Variants in BPIFA1 observed in about 807,000 individuals in gnomAD.
BPIFA1 encodes BPI fold containing family A member 1.
A neutral mutation model predicts 25.1 loss-of-function variants in BPIFA1; 24 were observed. The ratio of observed to expected loss-of-function variants is 0.96; its 90% CI spans 0.69 to 1.35. BPIFA1 has a LOEUF of 1.35. BPIFA1 is among the 40% of genes most tolerant of loss of function. The pLI, the probability that BPIFA1 is intolerant of heterozygous loss-of-function variation, is 0.00. For synonymous variants in BPIFA1, 139 were observed against 131.8 expected (o/e 1.05, Z -0.37); for missense variants, 344 against 303.7 (o/e 1.13, Z -0.99).
At chr20:33,239,004 T>C (rs942833927) in intron 3 of BPIFA1, among the ~76,000 whole-genome samples, 1 of 152,118 alleles carries the variant, frequency 6.6e-6, no homozygotes, top group Non-Finnish European at 1.5e-5. Context: ...ATCTGTAAAA[T>C]ATAGATTATA....
At chr20:33,237,657 T>A (rs1487418857) in intron 1 of BPIFA1, 40 bp from the exon 2 acceptor site, 1 of 1,383,410 alleles carries the variant, frequency 7.2e-7, no homozygotes, top group African/African-American at 1.5e-5. Flanking sequence ...AATTCCTCTC[T>A]GATACCCATG....
intron 3 of BPIFA1, 22 bp from the exon 4 acceptor site, chr20:33,239,781 T>A (rs200300856): frequency 1.6e-5 from 26 of 1,602,050 alleles, no homozygotes; most frequent in Non-Finnish European, 2.1e-5. Flanking sequence ...TGTTTCCCCC[T>A]CCAATATTAC....
At chr20:33,239,761 G>A (rs770280558) in intron 3 of BPIFA1, 42 bp from the exon 4 acceptor site, 1 of 1,555,084 alleles carries the variant, frequency 6.4e-7, no homozygotes, top group Non-Finnish European at 8.9e-7. Context: ...TTTGGAGCTA[G>A]AGGAGCTAAT....
At position 33,242,092 on chromosome 20, in the gene BPIFA1, G is replaced by A; in HGVS notation, c.703G>A (p.Asp235Asn). ...GGTCAATGAGGTTCTCAGAGGCTTG[G>A]ACATCACCCTGGTGCATGACATTGT... Reference protein sequence around the residue: ...PLVNEVLRGLDITLVHDIVNM... With the variant: ...PLVNEVLRGLNITLVHDIVNM... Residue 235 changes from aspartate to asparagine, a missense_variant, in exon 7 of 9, where the codon GAC (aspartate) becomes AAC (asparagine). Physicochemically the swap from Asp to Asn is conservative, Grantham distance 23. Coordinates refer to ENST00000354297, the MANE Select transcript of BPIFA1 (RefSeq NM_130852.3). 2.5e-6 allele frequency: 4 copies of A among 1,614,144 alleles called. No individual in the cohort carries two copies. The highest frequency in any genetic ancestry group is 2.5e-6 in the Non-Finnish European group (3 of 1,180,018).
intron 4 of BPIFA1, 27 bp from the exon 5 acceptor site, chr20:33,240,206 A>T (rs1033336416): frequency 6.2e-7 from 1 of 1,610,804 alleles, no homozygotes; most frequent in Non-Finnish European, 8.5e-7. Context: ...GTGGAGCTAG[A>T]TACCAGTGGG....
Position 33,237,827 on chromosome 20 carries a change from C to A in BPIFA1, c.116C>A (p.Ala39Asp). ...ACCCTGCCCTTGAATGTGAATCCAG[C>A]CCTGCCCTTGAGTCCCACAGGTCTT... ...DQTLPLNVNP[A>D]LPLSPTGLAG... Residue 39 changes from alanine (A) to aspartate (D), a missense_variant, in exon 2 of 9, where the codon GCC becomes GAC. Ala to Asp is a moderately radical substitution (Grantham distance 126). Coordinates refer to ENST00000354297, the MANE Select transcript of BPIFA1 (RefSeq NM_130852.3). 3 of 1,598,764 alleles carry A rather than the reference C, an allele frequency of 1.9e-6. No individual in the cohort carries two copies. The highest frequency in any genetic ancestry group is 2.6e-6 in the Non-Finnish European group (3 of 1,173,098).
rs1442728401 is a variant in BPIFA1, at chr20:33,242,101, C to A, written c.712C>A (p.Leu238Met). The change falls in exon 7 of 9, where the codon CTG becomes ATG. Residue 238 changes from leucine to methionine, a missense_variant. Physicochemically the swap from Leu to Met is conservative, Grantham distance 15 (BLOSUM62 2). Coordinates refer to ENST00000354297, the MANE Select transcript of BPIFA1 (RefSeq NM_130852.3). ...GGTTCTCAGAGGCTTGGACATCACC[C>A]TGGTGCATGACATTGTTAGTAAGTA... Reference protein sequence around the residue: ...NEVLRGLDITLVHDIVNMLIH... With the variant: ...NEVLRGLDITMVHDIVNMLIH... 1 of 1,614,132 alleles carries A rather than the reference C, an allele frequency of 6.2e-7. No individual in the cohort carries two copies.
intron 1 of BPIFA1, among the ~76,000 whole-genome samples, chr20:33,236,747 G>T (rs1475341981): frequency 6.6e-6 from 1 of 152,182 alleles, no homozygotes; most frequent in Non-Finnish European, 1.5e-5. Context: ...ATGCATGTTT[G>T]TGTGTTGGGT....
intron 6 of BPIFA1, among the ~76,000 whole-genome samples, 174 bp from the exon 7 acceptor site, chr20:33,241,882 C>A (rs896341480): frequency 6.6e-6 from 1 of 152,226 alleles, no homozygotes; most frequent in Non-Finnish European, 1.5e-5. Context: ...CCCTTCACAA[C>A]ATCCCTCATG....
intron 5 of BPIFA1, among the ~76,000 whole-genome samples, 180 bp from the exon 6 acceptor site, chr20:33,241,205 T>C (rs1350863397): frequency 6.6e-6 from 1 of 152,258 alleles, no homozygotes; most frequent in Non-Finnish European, 1.5e-5. Context: ...TTCACTGCTG[T>C]ACACAAATGT....
intron 5 of BPIFA1, among the ~76,000 whole-genome samples, chr20:33,241,037 T>C (rs1237470959): frequency 6.6e-6 from 1 of 152,200 alleles, no homozygotes; most frequent in Admixed American, 6.5e-5. Flanking sequence ...TGGTTAACTT[T>C]TAATGAACAC....
Position 33,237,869 on chromosome 20 carries a change from A to C in BPIFA1, c.158A>C (p.Asn53Thr). The C allele has an allele frequency of 6.4e-7, 1 of 1,570,584 alleles. No homozygotes were observed. The highest frequency in any genetic ancestry group is 8.6e-7 in the Non-Finnish European group (1 of 1,159,782). ...ACAGGTCTTGCAGGAAGCTTGACAA[A>C]TGGTGAGTTTTCAGGGGTGTATGTG... ...SPTGLAGSLT[N>T]ALSNGLLSGG... Residue 53 changes from asparagine to threonine, a missense_variant and splice_region_variant, in exon 2 of 9, where the codon AAT becomes ACT. Transcript: ENST00000354297.
At position 33,237,773 on chromosome 20, in the gene BPIFA1, T is replaced by A. The variant is rs760652134; in HGVS notation, c.62T>A (p.Phe21Tyr). Residue 21 changes from phenylalanine (F) to tyrosine (Y), a missense_variant, in exon 2 of 9, where the codon TTT (phenylalanine) becomes TAT (tyrosine). By Grantham distance (22) the Phe-to-Tyr change is conservative (BLOSUM62 3). Coordinates refer to ENST00000354297, the MANE Select transcript of BPIFA1 (RefSeq NM_130852.3). ...CTGTTAGCCCAGACCATGGCCCAGT[T>A]TGGAGGCCTGCCCGTGCCCCTGGAC... ...YGLLAQTMAQ[F>Y]GGLPVPLDQT... 41 of 1,590,152 alleles carry A rather than the reference T, an allele frequency of 2.6e-5. No individual in the cohort carries two copies. The highest frequency in any genetic ancestry group is 3.5e-5 in the Non-Finnish European group (41 of 1,167,998).
At chr20:33,241,342 C>A (rs1485572574) in intron 5 of BPIFA1, 43 bp from the exon 6 acceptor site, 1 of 1,549,112 alleles carries the variant, frequency 6.5e-7, no homozygotes, top group South Asian at 1.1e-5. Flanking sequence ...CTTCTCCACA[C>A]CATCTCCAGG....
chr20:33,238,020 A>G, intron 2 of BPIFA1, 35 bp from the exon 3 acceptor site: 1 of 1,594,282 alleles, frequency 6.3e-7, no homozygotes. Context: ...GAATTGTCAG[A>G]TCTGACCCCC....
Position 33,238,177 on chromosome 20 carries a change from G to C in BPIFA1, c.283G>C (p.Val95Leu). ...GGLLGGLLGK[V>L]TSVIPGLNNI... is the part of the protein sequence containing the mutation. ...CCTCCTTGGGGGACTGCTTGGAAAAGTGACGTCAGTGATTCCTGGCCTGAA... is the reference window on the plus strand; with the variant it reads ...CCTCCTTGGGGGACTGCTTGGAAAACTGACGTCAGTGATTCCTGGCCTGAA... The change falls in exon 3 of 9, where the codon GTG becomes CTG. Residue 95 changes from valine (V) to leucine (L), a missense_variant. Transcript: ENST00000354297. 2 of 1,613,858 alleles carry C rather than the reference G, an allele frequency of 1.2e-6. No homozygotes were observed. Among genetic ancestry groups the C allele is most frequent in the Non-Finnish European group, 1.7e-6 (2 of 1,179,884 alleles).
chr20:33,236,399 T>C (rs1231082165), intron 1 of BPIFA1, among the ~76,000 whole-genome samples: 4 of 152,194 alleles, frequency 2.6e-5, no homozygotes, highest in African/African-American at 9.7e-5. Context: ...GATCTTTAGC[T>C]TCCATTGGAT....
chr20:33,241,301 C>T, intron 5 of BPIFA1, 84 bp from the exon 6 acceptor site: 1 of 1,274,298 alleles, frequency 7.8e-7, no homozygotes, highest in Non-Finnish European at 1.1e-6. Flanking sequence ...AGTGTTGAGA[C>T]TGTGGGGTTC....
intron 5 of BPIFA1, 103 bp downstream of exon 5, chr20:33,240,488 C>T (rs1366388366): frequency 1.4e-6 from 2 of 1,426,992 alleles, no homozygotes; most frequent in Non-Finnish European, 1.9e-6. Context: ...GAGTGAGAGG[C>T]TGAAAGGGTG....
Sources: gnomAD v4.1 joint callset for allele counts (sites outside exome capture counted in the v4.1 genomes callset) on GRCh38, gnomAD v4.1.1 for gene constraint, MANE v1.5 for transcripts, NCBI Gene and HGNC (gene_info 2026-07-23, HGNC 2026-07-21) for gene names.